Variants in TCF3 observed in about 807,000 individuals in gnomAD.
TCF3 encodes the protein transcription factor E2-alpha.
TCF3 carries 54 observed loss-of-function variants against 72.3 expected under a neutral mutation model. The observed-to-expected ratio is 0.75, with a 90% confidence interval of 0.60 to 0.94. TCF3 has a LOEUF of 0.94. Ranked by LOEUF, TCF3 falls within the 40% of genes least tolerant of loss-of-function variation. The pLI, the probability that TCF3 is intolerant of heterozygous loss-of-function variation, is 0.00. For missense variants in TCF3, 1,078 were observed against 934.4 expected, an observed-to-expected ratio of 1.15 and a Z score of -2.00; for synonymous variants, 525 against 412.6, an observed-to-expected ratio of 1.27 and a Z score of -3.30.
At chr19:1,613,691 C>A (rs2061266797) in intron 18 of TCF3, among the ~76,000 whole-genome samples, 1 of 151,946 alleles carries the variant, frequency 6.6e-6, no homozygotes, top group Non-Finnish European at 1.5e-5. Context: ...TCACATGGAG[C>A]AAACCAGCTC....
chr19:1,624,027 C>A (rs201250415), intron 7 of TCF3, 27 bp from the exon 8 acceptor site: 1 of 1,611,214 alleles, frequency 6.2e-7, no homozygotes. Flanking sequence ...GGGTGAGAAC[C>A]GGCCACCGGC....
chr19:1,616,241 G>A (rs1336283071), intron 16 of TCF3, among the ~76,000 whole-genome samples: 1 of 152,112 alleles, frequency 6.6e-6, no homozygotes, highest in African/African-American at 2.4e-5. Context: ...TTGGGAGGCC[G>A]AGGTGGGTGG....
At chr19:1,613,610 G>A (rs971692643) in intron 18 of TCF3, among the ~76,000 whole-genome samples, 11 of 152,102 alleles carry the variant, frequency 7.2e-5, no homozygotes, top group African/African-American at 1.9e-4. Context: ...TTGAAGACAC[G>A]GGCTCAGCAG....
Position 1,619,135 on chromosome 19 carries a change from A to C in TCF3, c.1426T>G (p.Ser476Ala). 1 of 1,599,824 alleles carries C rather than the reference A, an allele frequency of 6.3e-7. No individual in the cohort carries two copies. The highest frequency in any genetic ancestry group is 8.5e-7 in the Non-Finnish European group (1 of 1,179,750). Residue 476 changes from serine to alanine, a missense_variant, in exon 16 of 19, where the codon TCT becomes GCT. Ser to Ala is a moderately conservative substitution (Grantham distance 99). Coordinates refer to ENST00000262965, the MANE Select transcript of TCF3 (RefSeq NM_003200.5). ...PSQPGTLPDLSRPPDSYSGLG... is the reference protein window; with the variant it reads ...PSQPGTLPDLARPPDSYSGLG... ...CCACTGTAGGAGTCGGGAGGCCGAG[A>C]CAGGTCAGGGAGGGTGCCTGGCTGG...
At position 1,609,323 on chromosome 19, in the gene TCF3, G is replaced by A. The variant is rs1171905773; in HGVS notation, c.*2384C>T. On this transcript the variant is annotated 3_prime_UTR_variant, in exon 19 of 19. Transcript: ENST00000262965. The stretch of plus-strand genomic sequence containing the variant: ...ATAAAATGTCACGTTTATTGCTACA[G>A]TGCTGTTATATACAGGACAGGTCTC... 5.2e-6 allele frequency: 1 copy of A among 191,534 alleles called. No individual in the cohort carries two copies. The highest frequency in any genetic ancestry group is 1.1e-5 in the Non-Finnish European group (1 of 91,698). 11.9% of individuals were successfully genotyped at this position (191,534 alleles called of 1,614,324 possible). A position where few individuals can be genotyped will look rare whatever the true frequency, so the allele number is the denominator to read the frequency against.
chr19:1,622,069 G>A lies in TCF3; in HGVS notation c.807C>T (p.His269=), dbSNP rs201247443. The A allele has an allele frequency of 4.7e-5, 75 of 1,606,196 alleles. No individual in the cohort carries two copies. The highest frequency in any genetic ancestry group is 5.9e-5 in the Non-Finnish European group (70 of 1,177,830). The change falls in exon 10 of 19, where the codon CAC becomes CAT. Residue 269 remains histidine (H), a synonymous_variant. Coordinates refer to ENST00000262965, the MANE Select transcript of TCF3 (RefSeq NM_003200.5). The part of the protein sequence containing the change: ...SGSSSTFGGL[H]QHERMGYQLH... ...TGGGTCCTACCATACGCTCGTGCTG[G>A]TGCAGGCCACCAAACGTGCTGCTGC...
intron 2 of TCF3, among the ~76,000 whole-genome samples, chr19:1,648,096 C>T (rs1270281326): frequency 5.3e-5 from 8 of 152,214 alleles, no homozygotes; most frequent in African/African-American, 1.9e-4. Context: ...CCAAAGCTAG[C>T]CTGGGTCAGG....
chr19:1,645,815 A>T (rs564519333), intron 3 of TCF3, among the ~76,000 whole-genome samples: 107 of 152,302 alleles, frequency 7.0e-4, no homozygotes, highest in Admixed American at 1.6e-3. Context: ...GAGCACTCAA[A>T]GCCGCGGGTC....
At chr19:1,643,778 G>C (rs745817321) in intron 3 of TCF3, among the ~76,000 whole-genome samples, 6 of 152,248 alleles carry the variant, frequency 3.9e-5, no homozygotes, top group Admixed American at 1.3e-4. Flanking sequence ...TTAATTTTCA[G>C]GGACACCTTT....
chr19:1,648,127 G>A (rs1195619262), intron 2 of TCF3, among the ~76,000 whole-genome samples: 2 of 152,186 alleles, frequency 1.3e-5, no homozygotes, highest in Non-Finnish European at 1.5e-5. Flanking sequence ...GGCGCGCTGG[G>A]AACAGCCTGG....
chr19:1,625,537 T>G, intron 7 of TCF3, 39 bp downstream of exon 7: 1 of 1,527,576 alleles, frequency 6.5e-7, no homozygotes, highest in Non-Finnish European at 8.7e-7. Flanking sequence ...GCAGGCTCCC[T>G]CCCAGAAGCC....
chr19:1,611,494 G>C lies in TCF3; in HGVS notation c.*213C>G, dbSNP rs1393940739. On this transcript the variant is annotated 3_prime_UTR_variant, in exon 19 of 19. Transcript: ENST00000262965. ...TTCGGGGACAGGGGGAGCGAGGCCA[G>C]TGAGTGGTAGGCCAGGGCCCCAGGG... 3.7e-6 allele frequency: 2 copies of C among 547,076 alleles called. No individual in the cohort carries two copies. Among genetic ancestry groups the C allele is most frequent in the African/African-American group, 3.9e-5 (2 of 51,820 alleles). 33.9% of individuals were successfully genotyped at this position (547,076 alleles called of 1,614,324 possible). A position where few individuals can be genotyped will look rare whatever the true frequency, so the allele number is the denominator to read the frequency against.
chr19:1,645,646 G>C (rs2065976898), intron 3 of TCF3, among the ~76,000 whole-genome samples: 2 of 152,168 alleles, frequency 1.3e-5, no homozygotes, highest in Non-Finnish European at 2.9e-5. Context: ...GGGGCAACCT[G>C]GCCCTCGCTG....
At chr19:1,651,911 G>C (rs1198934491) in intron 1 of TCF3, among the ~76,000 whole-genome samples, 1 of 149,388 alleles carries the variant, frequency 6.7e-6, no homozygotes, top group South Asian at 2.2e-4. Flanking sequence ...TCCGGCGCCC[G>C]GGCCGGGCCC....
intron 18 of TCF3, among the ~76,000 whole-genome samples, chr19:1,612,660 C>A (rs934982193): frequency 6.7e-6 from 1 of 150,350 alleles, no homozygotes; most frequent in Non-Finnish European, 1.5e-5. Context: ...TTGGTGTGGG[C>A]AGCAGTGCAG....
intron 3 of TCF3, among the ~76,000 whole-genome samples, chr19:1,633,257 A>G (rs2063940472): frequency 6.6e-6 from 1 of 152,184 alleles, no homozygotes; most frequent in Non-Finnish European, 1.5e-5. Context: ...GGGCCTCCTC[A>G]GCTTGGCCAC....
chr19:1,641,008 G>C (rs1599998273), intron 3 of TCF3, among the ~76,000 whole-genome samples: 1 of 151,910 alleles, frequency 6.6e-6, no homozygotes, highest in East Asian at 1.9e-4. Context: ...AAATTAGCCA[G>C]GCATGGTGGC....
In TCF3 at chr19:1,610,752, C is replaced by T. The variant is rs981338744; in HGVS notation, c.*955G>A. ...CTTGCTGACGTCCCTTCCCCCAAGC[C>T]CAGGTCAGTCCCCTTCCTGAGGGGA... On this transcript the variant is annotated 3_prime_UTR_variant, in exon 19 of 19. Transcript: ENST00000262965. The T allele has an allele frequency of 4.3e-6, 1 of 232,120 alleles. No homozygotes were observed. Among genetic ancestry groups the T allele is most frequent in the Non-Finnish European group, 8.5e-6 (1 of 117,358 alleles). The allele number at this position is 232,120 out of a possible 1,614,324, so 14.4% of individuals were successfully genotyped here. A position where few individuals can be genotyped will look rare whatever the true frequency, so the allele number is the denominator to read the frequency against.
rs186548111 is a variant in TCF3, at chr19:1,651,135, G to C, written c.-39-848C>G. ...GGCTCCATTCTAAGATGGGGGATGG[G>C]GGATCCACCTGCCAAGACCCATTCC... is the stretch of plus-strand genomic sequence containing the variant. On this transcript the variant is annotated intron_variant, in intron 1 of 18. Transcript: ENST00000262965. 17 of 232,144 alleles carry C rather than the reference G, an allele frequency of 7.3e-5. No individual in the cohort carries two copies. The East Asian group carries it at 9.7e-4, about 13-fold the overall frequency. 14.4% of individuals were successfully genotyped at this position (232,144 alleles called of 1,614,324 possible).
Sources: allele counts gnomAD v4.1 joint callset (sites outside exome capture counted in the v4.1 genomes callset), GRCh38; gene constraint gnomAD v4.1.1; transcripts MANE v1.5; gene names NCBI Gene and HGNC (gene_info 2026-07-23, HGNC 2026-07-21).